IL17RB: variants seen among roughly 807,000 people sequenced by gnomAD.
IL17RB encodes the protein interleukin-17 receptor B.
Under a neutral mutation model 43.9 loss-of-function variants are expected in IL17RB, and 36 were observed. The observed-to-expected ratio is 0.82, with a 90% CI of 0.63 to 1.08. The LOEUF is 1.08. Among genes scored for constraint, IL17RB ranks in the 50% least tolerant of loss-of-function variants. The pLI, the probability that IL17RB is intolerant of heterozygous loss-of-function variation, is 0.00. For synonymous variants in IL17RB, 225 were observed against 225.4 expected, an observed-to-expected ratio of 1.00 and a Z score of 0.02; for missense variants, 613 against 613.6, an observed-to-expected ratio of 1.00 and a Z score of 0.01.
chr3:53,855,116 CAAAA>C (rs746854673), intron 5 of IL17RB, among the ~76,000 whole-genome samples, 174 bp from the exon 6 acceptor site: 21 of 69,364 alleles, frequency 3.0e-4, no homozygotes, highest in South Asian at 1.9e-3. Context: ...GACTCCGGCT[CAAAA>C]AAAAAAAAAA....
intron 7 of IL17RB, among the ~76,000 whole-genome samples, 200 bp downstream of exon 7, chr3:53,857,186 G>A (rs903398591): frequency 6.6e-6 from 1 of 152,226 alleles, no homozygotes; most frequent in Non-Finnish European, 1.5e-5. Context: ...AGCAGGAAAT[G>A]AGCCCTTCTT....
chr3:53,853,011 T>C lies in IL17RB; in HGVS notation c.481+14T>C, dbSNP rs775660073. ...TCACCTCACCAGGTAAACTTCCTCA[T>C]TTGTTTATTATTCTTTGTCTTGCTG... On this transcript the variant is annotated intron_variant, in intron 5 of 10. Coordinates refer to ENST00000288167, the MANE Select transcript of IL17RB (RefSeq NM_018725.4). 1.7e-5 allele frequency: 28 copies of C among 1,613,676 alleles called. No individual in the cohort carries two copies. The highest frequency in any genetic ancestry group is 2.4e-5 in the Non-Finnish European group (28 of 1,179,736).
At chr3:53,857,482 G>A (rs574006808) in intron 7 of IL17RB, 134 bp from the exon 8 acceptor site, 282 of 736,814 alleles carry the variant, frequency 3.8e-4, no homozygotes, top group South Asian at 2.1e-3. Flanking sequence ...AGACGGTTTC[G>A]CCATGTTGCC....
chr3:53,859,125 G>C, intron 9 of IL17RB: 1 of 263,228 alleles, frequency 3.8e-6, no homozygotes, highest in Non-Finnish European at 7.2e-6. Flanking sequence ...AAAAGCCAAA[G>C]ATGTAAGATG....
rs1365231375 is a variant in IL17RB at position 53,865,114 on chromosome 3, C to G, written c.1315C>G (p.His439Asp). ...LFCSDLRSQIHLHKYVVVYFR... is the reference protein window; with the variant it reads ...LFCSDLRSQIDLHKYVVVYFR... The stretch of plus-strand genomic sequence containing the variant: ...CTGCAGTGATCTAAGAAGCCAGATT[C>G]ATCTGCACAAATACGTGGTGGTCTA... The change falls in exon 11 of 11, where the codon CAT becomes GAT. Residue 439 changes from histidine (H) to aspartate (D), a missense_variant. Physicochemically the swap from His to Asp is moderately conservative, Grantham distance 81. Coordinates refer to ENST00000288167, the MANE Select transcript of IL17RB (RefSeq NM_018725.4). The G allele has an allele frequency of 6.2e-7, 1 of 1,614,094 alleles. No individual in the cohort carries two copies. Among genetic ancestry groups the G allele is most frequent in the Non-Finnish European group, 8.5e-7 (1 of 1,180,038 alleles).
At chr3:53,849,162 C>A (rs1295485722) in intron 2 of IL17RB, among the ~76,000 whole-genome samples, 1 of 152,180 alleles carries the variant, frequency 6.6e-6, no homozygotes, top group East Asian at 1.9e-4. Flanking sequence ...TGTGGGCCAG[C>A]TGGCTGGAAT....
At chr3:53,861,827 A>G (rs1216544901) in intron 10 of IL17RB, among the ~76,000 whole-genome samples, 1 of 152,208 alleles carries the variant, frequency 6.6e-6, no homozygotes, top group Non-Finnish European at 1.5e-5. Flanking sequence ...AGTGCAGATG[A>G]AAGTGTCCTC....
chr3:53,861,169 T>G (rs1699549388), intron 10 of IL17RB: 1 of 152,224 alleles, frequency 6.6e-6, no homozygotes, highest in Non-Finnish European at 1.5e-5. Context: ...CCAGTGGTTC[T>G]CTGGTATTTT....
chr3:53,857,666 G>A lies in IL17RB; in HGVS notation c.723G>A (p.Gly241=). Residue 241 remains glycine, a synonymous_variant, in exon 8 of 11, where the codon GGG becomes GGA. Coordinates refer to ENST00000288167, the MANE Select transcript of IL17RB (RefSeq NM_018725.4). The part of the protein sequence containing the change: ...TRASVVIPVT[G]DSEGATVQLT... ...CTTCAGTGGTGATTCCAGTGACTGG[G>A]GATAGTGAAGGTGCTACGGTGCAGG... is the stretch of plus-strand genomic sequence containing the variant. The A allele has an allele frequency of 6.2e-7, 1 of 1,614,150 alleles. No individual in the cohort carries two copies.
At chr3:53,850,235 G>A (rs1331579926) in intron 3 of IL17RB, among the ~76,000 whole-genome samples, 2 of 152,166 alleles carry the variant, frequency 1.3e-5, no homozygotes, top group Admixed American at 6.5e-5. Flanking sequence ...GGTGGCTAAC[G>A]CCTGTAATCC....
rs529277204 is a variant in IL17RB, at chr3:53,858,511, C to T, written c.748-208C>T. 5.3e-5 allele frequency: 75 copies of T among 1,410,990 alleles called. No homozygotes were observed. In the South Asian group the frequency reaches 6.0e-4, roughly 11 times the overall value. The allele number at this position is 1,410,990 out of a possible 1,614,324, so 87.4% of individuals were successfully genotyped here. On this transcript the variant is annotated intron_variant, in intron 8 of 10. Coordinates refer to ENST00000288167, the MANE Select transcript of IL17RB (RefSeq NM_018725.4). ...GTGTACAAAGTTTAGGTTCAGACCC[C>T]GGGAGTCTTGGGCACGTGGGTCTCG...
At chr3:53,859,006 G>C in intron 9 of IL17RB, 188 bp downstream of exon 9, 1 of 503,844 alleles carries the variant, frequency 2.0e-6, no homozygotes, top group Non-Finnish European at 3.5e-6. Flanking sequence ...AGTAAGAACA[G>C]GCTTTATTTG....
At chr3:53,847,874 C>G (rs1444031812) in intron 1 of IL17RB, among the ~76,000 whole-genome samples, 9 of 152,096 alleles carry the variant, frequency 5.9e-5, no homozygotes, top group African/African-American at 1.9e-4. Flanking sequence ...CAATTTTGCC[C>G]AAACTCAAAT....
chr3:53,865,352 C>T lies in IL17RB; in HGVS notation c.*44C>T. On this transcript the variant is annotated 3_prime_UTR_variant, in exon 11 of 11. Transcript: ENST00000288167. ...GAGACCTTAAAGGCTTCCTATCCCA[C>T]CAATTACAGGGAAAAAACGTGTGAT... 4 of 1,468,162 alleles carry T rather than the reference C, an allele frequency of 2.7e-6. No individual in the cohort carries two copies. The highest frequency in any genetic ancestry group is 3.7e-6 in the Non-Finnish European group (4 of 1,088,848). The allele number at this position is 1,468,162 out of a possible 1,614,324, so 90.9% of individuals were successfully genotyped here.
At chr3:53,861,572 A>G (rs1040949225) in intron 10 of IL17RB, 1 of 152,236 alleles carries the variant, frequency 6.6e-6, no homozygotes, top group African/African-American at 2.4e-5. Context: ...GTAGACTCTA[A>G]TATGATTTGA....
chr3:53,858,082 T>C (rs1055251278), intron 8 of IL17RB: 27 of 214,892 alleles, frequency 1.3e-4, no homozygotes, highest in African/African-American at 5.4e-4. Context: ...GCCAGTCCTC[T>C]CTGGGCCGCA....
At chr3:53,849,003 G>A (rs1011767412) in intron 2 of IL17RB, among the ~76,000 whole-genome samples, 3 of 152,226 alleles carry the variant, frequency 2.0e-5, no homozygotes, top group East Asian at 3.8e-4. Flanking sequence ...AGTTGGGACC[G>A]AGAAGCAAAT....
chr3:53,849,720 G>A lies in IL17RB; in HGVS notation c.151G>A (p.Glu51Lys). Reference protein sequence around the residue: ...IPGDLRDLRVEPVTTSVATGD... With the variant: ...IPGDLRDLRVKPVTTSVATGD... ...CGGAGACTTGAGGGACCTCCGAGTAGAACCTGTTACAACTAGTGTTGCAAC... is the reference window on the plus strand; with the variant it reads ...CGGAGACTTGAGGGACCTCCGAGTAAAACCTGTTACAACTAGTGTTGCAAC... The change falls in exon 3 of 11, where the codon GAA becomes AAA. Residue 51 changes from glutamate (E) to lysine (K), a missense_variant. Coordinates refer to ENST00000288167, the MANE Select transcript of IL17RB (RefSeq NM_018725.4). The A allele has an allele frequency of 6.2e-7, 1 of 1,613,270 alleles. No individual in the cohort carries two copies. Among genetic ancestry groups the A allele is most frequent in the Non-Finnish European group, 8.5e-7 (1 of 1,179,558 alleles).
chr3:53,846,964 C>T (rs1055474924), intron 1 of IL17RB, among the ~76,000 whole-genome samples: 1 of 152,208 alleles, frequency 6.6e-6, no homozygotes. Flanking sequence ...GGTATAACGA[C>T]ATGGCCTGCA....
Sources: gnomAD v4.1 joint callset for allele counts (sites outside exome capture counted in the v4.1 genomes callset) on GRCh38, gnomAD v4.1.1 for gene constraint, MANE v1.5 for transcripts, NCBI Gene and HGNC (gene_info 2026-07-23, HGNC 2026-07-21) for gene names.